SYT1: variants seen among roughly 807,000 people sequenced by gnomAD.
The protein encoded by SYT1 is synaptotagmin-1.
Under a neutral mutation model 44.8 loss-of-function variants are expected in SYT1, and 8 were observed. The ratio of observed to expected loss-of-function variants is 0.18; its 90% CI spans 0.10 to 0.32. The LOEUF (loss-of-function observed/expected upper bound fraction) is 0.32, where lower values mean the gene tolerates loss of function less well. Among genes scored for constraint, SYT1 ranks in the 10% least tolerant of loss-of-function variants. The probability of loss-of-function intolerance (pLI) is 1.00; values close to 1 mark genes in which losing one functional copy is unlikely to be tolerated. For missense variants in SYT1, 286 were observed against 509.3 expected, an observed-to-expected ratio of 0.56 and a Z score of 4.22; for synonymous variants, 154 against 188.8, an observed-to-expected ratio of 0.82 and a Z score of 1.51.
At chr12:79,391,195 GCA>G (rs1353080145) in intron 9 of SYT1, among the ~76,000 whole-genome samples, 5 of 152,128 alleles carry the variant, frequency 3.3e-5, no homozygotes, top group South Asian at 2.1e-4. Flanking sequence ...GTTCTGGGGG[GCA>G]TTTGTTAAAA....
At chr12:79,431,505 TTTATTTTA>T (rs1295092655) in intron 9 of SYT1, among the ~76,000 whole-genome samples, 54 of 134,652 alleles carry the variant, frequency 4.0e-4, no homozygotes, top group East Asian at 1.3e-3. Context: ...TTTATTTTAT[TTTATTTTA>T]TTATTTATTT....
At chr12:78,948,685 T>C (rs1878798462) in intron 1 of SYT1, among the ~76,000 whole-genome samples, 1 of 151,928 alleles carries the variant, frequency 6.6e-6, no homozygotes, top group Non-Finnish European at 1.5e-5. Context: ...GATTCTAATC[T>C]GGTCAAGAAT....
intron 1 of SYT1, among the ~76,000 whole-genome samples, chr12:78,909,359 TTTA>T (rs1876177305): frequency 6.6e-6 from 1 of 151,924 alleles, no homozygotes; most frequent in Non-Finnish European, 1.5e-5. Flanking sequence ...AGAAAAATAA[TTTA>T]TTTTTTTTCT....
At chr12:79,295,940 A>G in intron 6 of SYT1, 129 bp from the exon 7 acceptor site, 1 of 1,069,446 alleles carries the variant, frequency 9.4e-7, no homozygotes, top group Non-Finnish European at 1.3e-6. Context: ...GATTCATAAG[A>G]GAATCAGAGT....
chr12:78,952,426 A>C (rs954976167), intron 1 of SYT1, among the ~76,000 whole-genome samples: 1 of 152,094 alleles, frequency 6.6e-6, no homozygotes, highest in Non-Finnish European at 1.5e-5. Flanking sequence ...AGAATATTTA[A>C]AGAGCCTGGA....
intron 2 of SYT1, among the ~76,000 whole-genome samples, chr12:79,000,782 T>C (rs546064384): frequency 6.6e-6 from 1 of 152,316 alleles, no homozygotes; most frequent in African/African-American, 2.4e-5. Context: ...GAAGAAACTT[T>C]TTTTTCATCA....
At chr12:79,259,551 A>G (rs1877715277) in intron 4 of SYT1, among the ~76,000 whole-genome samples, 1 of 152,094 alleles carries the variant, frequency 6.6e-6, no homozygotes, top group African/African-American at 2.4e-5. Context: ...TGGGCAACAT[A>G]TGGAGACCCC....
intron 1 of SYT1, among the ~76,000 whole-genome samples, chr12:78,917,211 AC>A (rs926852882): frequency 2.0e-5 from 3 of 151,902 alleles, no homozygotes; most frequent in African/African-American, 7.3e-5. Context: ...AACAAATCTT[AC>A]CCTACACGGC....
chr12:79,308,647 A>AGAAAGAAAGAAAGAAAGAAAGAAG (rs1491528999), intron 8 of SYT1, among the ~76,000 whole-genome samples: 6 of 117,404 alleles, frequency 5.1e-5, no homozygotes, highest in African/African-American at 2.3e-4. Flanking sequence ...AAAGAAAGAA[A>AGAAAGAAAGAAAGAAAGAAAGAAG]GAAAGAAAGA....
At chr12:79,157,214 G>A (rs746786503) in intron 3 of SYT1, among the ~76,000 whole-genome samples, 48 of 152,254 alleles carry the variant, frequency 3.2e-4, no homozygotes, top group Non-Finnish European at 4.6e-4. Flanking sequence ...ACTGCTTGCC[G>A]TTTATTGCAA....
rs112124764 is a variant in SYT1 at position 78,876,566 on chromosome 12, TAC to T, written c.-217+11463_-217+11464del. Among the ~76,000 whole-genome samples the T allele has an allele frequency of 8.6e-3, 1,193 of 138,890 alleles. 16 individuals are homozygous for T. The highest frequency in any genetic ancestry group is 0.074 in the East Asian group (339 of 4,574). The allele number at this position is 138,890 out of a possible 152,430, so 91.1% of individuals were successfully genotyped here. On this transcript the variant is annotated intron_variant, in intron 1 of 10. Coordinates refer to ENST00000261205, the MANE Select transcript of SYT1 (RefSeq NM_005639.3). Reference sequence around the variant, plus strand: ...ATATATATGAGTGTGTGTATATATATACACACATATACACACACACGTATACA... The same window carrying T: ...ATATATATGAGTGTGTGTATATATATACACATATACACACACACGTATACA...
intron 1 of SYT1, among the ~76,000 whole-genome samples, chr12:78,968,693 G>A (rs1868304908): frequency 6.6e-6 from 1 of 152,142 alleles, no homozygotes; most frequent in Admixed American, 6.5e-5. Flanking sequence ...AGTGCAGAGT[G>A]TACTTCAACA....
intron 8 of SYT1, among the ~76,000 whole-genome samples, chr12:79,308,665 A>G (rs1002036954): frequency 4.6e-5 from 7 of 151,876 alleles, no homozygotes; most frequent in Non-Finnish European, 7.4e-5. Context: ...AGAAAAGAGA[A>G]GGAAGCAATA....
At chr12:78,865,910 TTGAG>T (rs1170704915) in intron 1 of SYT1, among the ~76,000 whole-genome samples, 10 of 121,618 alleles carry the variant, frequency 8.2e-5, no homozygotes, top group African/African-American at 1.5e-4. Flanking sequence ...GAAAGCTTTC[TTGAG>T]TAACAAAAAA....
intron 1 of SYT1, among the ~76,000 whole-genome samples, chr12:78,913,661 C>G (rs537932846): frequency 6.6e-6 from 1 of 151,896 alleles, no homozygotes; most frequent in Non-Finnish European, 1.5e-5. Context: ...TTATGCTTTG[C>G]TTGATTGATA....
Position 79,273,948 on chromosome 12 carries a change from G to C in SYT1, c.167-11839G>C, listed in dbSNP as rs1000082650. Among the ~76,000 whole-genome samples, 26 of 152,300 alleles carry C rather than the reference G, an allele frequency of 1.7e-4. 1 individual carries two copies. The highest frequency in any genetic ancestry group is 5.3e-4 in the African/African-American group (22 of 41,570). ...AAAATACAGAAATTAGCTGGCCGTGGTGGCACGCACTGGTAGTCCCAGCTA... is the reference window on the plus strand; with the variant it reads ...AAAATACAGAAATTAGCTGGCCGTGCTGGCACGCACTGGTAGTCCCAGCTA... On this transcript the variant is annotated intron_variant, in intron 4 of 10. Coordinates refer to ENST00000261205, the MANE Select transcript of SYT1 (RefSeq NM_005639.3).
At chr12:79,100,023 C>T (rs932777322) in intron 3 of SYT1, among the ~76,000 whole-genome samples, 3 of 152,030 alleles carry the variant, frequency 2.0e-5, no homozygotes, top group African/African-American at 7.2e-5. Context: ...AATAATTGTA[C>T]ATGTTCTTTG....
chr12:79,299,211 A>G (rs747036806), intron 7 of SYT1, among the ~76,000 whole-genome samples, 173 bp from the exon 8 acceptor site: 7 of 152,160 alleles, frequency 4.6e-5, no homozygotes, highest in African/African-American at 4.8e-5. Flanking sequence ...TCTCTCAAGT[A>G]ATTTTAGCCT....
intron 3 of SYT1, among the ~76,000 whole-genome samples, chr12:79,058,632 G>T (rs1156332880): frequency 6.6e-6 from 1 of 152,038 alleles, no homozygotes; most frequent in Admixed American, 6.6e-5. Context: ...CCTGCATCTT[G>T]CATCCCCTCT....
Sources: gnomAD v4.1 joint callset for allele counts (sites outside exome capture counted in the v4.1 genomes callset) on GRCh38, gnomAD v4.1.1 for gene constraint, MANE v1.5 for transcripts, NCBI Gene and HGNC (gene_info 2026-07-23, HGNC 2026-07-21) for gene names.